The following UNC13C variants were observed in gnomAD, a reference collection of about 807,000 sequenced individuals.
UNC13C encodes protein unc-13 homolog C.
A neutral mutation model predicts 245.4 loss-of-function variants in UNC13C; 174 were observed. That is an observed-to-expected ratio of 0.71 (90% CI 0.63 to 0.80). The LOEUF is 0.80. Among genes scored for constraint, UNC13C ranks in the 30% least tolerant of loss-of-function variants. The pLI, the probability that UNC13C is intolerant of heterozygous loss-of-function variation, is 0.00. For missense variants in UNC13C, 2,829 were observed against 2,602.9 expected, an observed-to-expected ratio of 1.09 and a Z score of -1.89; for synonymous variants, 992 against 895.1, an observed-to-expected ratio of 1.11 and a Z score of -1.93.
At chr15:53,915,389 A>T in the UNC13C span, among the ~76,000 whole-genome samples, 1 of 152,264 alleles carries the variant, frequency 6.6e-6, no homozygotes, top group Non-Finnish European at 1.5e-5. Context: ...ACCGGGCTGT[A>T]GAGAAGACAG....
intron 17 of UNC13C, among the ~76,000 whole-genome samples, chr15:54,345,621 A>T (rs1028047806): frequency 1.3e-5 from 2 of 152,126 alleles, no homozygotes; most frequent in Admixed American, 1.3e-4. Context: ...GGATATTTGG[A>T]TATTTATTTG....
chr15:54,620,769 G>C (rs1462283444), intron 30 of UNC13C, among the ~76,000 whole-genome samples: 2 of 134,078 alleles, frequency 1.5e-5, no homozygotes, highest in East Asian at 4.4e-4. Flanking sequence ...TTGAGCAACA[G>C]AGCAAGACCC....
chr15:53,991,825 A>G (rs1268629945), intron 1 of UNC13C, among the ~76,000 whole-genome samples: 1 of 152,008 alleles, frequency 6.6e-6, no homozygotes, highest in Non-Finnish European at 1.5e-5. Flanking sequence ...CCTTGTTATC[A>G]GAGCCTAGTC....
the UNC13C span, among the ~76,000 whole-genome samples, chr15:53,891,613 A>G: frequency 1.1e-4 from 16 of 152,248 alleles, no homozygotes; most frequent in Middle Eastern, 3.4e-3. Flanking sequence ...CCATTATATA[A>G]TGTCCTTTTT....
chr15:54,281,064 C>T (rs957562377), intron 10 of UNC13C, among the ~76,000 whole-genome samples: 1 of 152,030 alleles, frequency 6.6e-6, no homozygotes, highest in African/African-American at 2.4e-5. Context: ...TCCCAAAGTG[C>T]TGGGATTACA....
At chr15:54,246,754 G>A (rs555917288) in intron 7 of UNC13C, among the ~76,000 whole-genome samples, 3 of 151,636 alleles carry the variant, frequency 2.0e-5, no homozygotes, top group Non-Finnish European at 4.4e-5. Flanking sequence ...CCTATCGGAG[G>A]GTGGGGGTGG....
At chr15:54,519,025 T>G (rs1293490141) in intron 24 of UNC13C, among the ~76,000 whole-genome samples, 2 of 152,144 alleles carry the variant, frequency 1.3e-5, no homozygotes, top group Middle Eastern at 3.2e-3. Flanking sequence ...TCAGAGGAAA[T>G]AGCTTCTAAG....
At chr15:54,189,730 G>A (rs781161145) in intron 4 of UNC13C, among the ~76,000 whole-genome samples, 1 of 152,140 alleles carries the variant, frequency 6.6e-6, no homozygotes, top group African/African-American at 2.4e-5. Flanking sequence ...TCATGAGACA[G>A]TGTTAGTTGT....
intron 18 of UNC13C, among the ~76,000 whole-genome samples, chr15:54,406,817 A>C (rs1314552199): frequency 1.3e-5 from 2 of 152,210 alleles, no homozygotes; most frequent in Non-Finnish European, 2.9e-5. Flanking sequence ...TCTGCCTTGA[A>C]TACAACAGAA....
chr15:54,577,448 C>G (rs1168340939), intron 30 of UNC13C, among the ~76,000 whole-genome samples: 2 of 152,132 alleles, frequency 1.3e-5, no homozygotes, highest in East Asian at 3.9e-4. Flanking sequence ...TACTTTCCCC[C>G]ACTCCGCAGG....
In UNC13C at chr15:54,622,379, T is replaced by C. The variant is rs1420717056; in HGVS notation, c.6159T>C (p.Thr2053=). Residue 2053 remains threonine (T), a synonymous_variant, in exon 31 of 33, where the codon ACT becomes ACC. Coordinates refer to ENST00000260323, the MANE Select transcript of UNC13C (RefSeq NM_001080534.3). ...VGQISVHVDI[T]ATPGTGDHKV... is the part of the protein sequence containing the mutation. ...AGATATCTGTTCATGTGGACATCAC[T>C]GCCACCCCAGGAACGGGAGATCATA... 2 of 1,613,236 alleles carry C rather than the reference T, an allele frequency of 1.2e-6. No homozygotes were observed. The highest frequency in any genetic ancestry group is 2.7e-5 in the African/African-American group (2 of 74,896).
intron 9 of UNC13C, among the ~76,000 whole-genome samples, chr15:54,265,112 G>T (rs2140891134): frequency 6.6e-6 from 1 of 152,012 alleles, no homozygotes; most frequent in Admixed American, 6.6e-5. Context: ...TAGCTAATAT[G>T]TATATGCATG....
At chr15:54,416,649 A>T (rs1410316695) in intron 19 of UNC13C, among the ~76,000 whole-genome samples, 4 of 152,092 alleles carry the variant, frequency 2.6e-5, no homozygotes. Context: ...TCCACTCAGC[A>T]AATAACTTTT....
At chr15:53,940,421 C>T in the UNC13C span, among the ~76,000 whole-genome samples, 1 of 152,070 alleles carries the variant, frequency 6.6e-6, no homozygotes. Flanking sequence ...TAAGGATGCC[C>T]TCTCCCACCA....
At chr15:54,591,020 G>T (rs1898756904) in intron 30 of UNC13C, among the ~76,000 whole-genome samples, 1 of 152,090 alleles carries the variant, frequency 6.6e-6, no homozygotes, top group Admixed American at 6.5e-5. Flanking sequence ...GGATTTTGTT[G>T]AATGCTTTTT....
intron 30 of UNC13C, among the ~76,000 whole-genome samples, chr15:54,569,705 G>A (rs953470011): frequency 1.3e-5 from 2 of 151,484 alleles, no homozygotes; most frequent in Non-Finnish European, 2.9e-5. Context: ...AAGAGGAGAG[G>A]ATTCTTAATT....
intron 22 of UNC13C, among the ~76,000 whole-genome samples, chr15:54,505,744 CTTT>C (rs3083161): frequency 7.7e-6 from 1 of 129,848 alleles, no homozygotes. Context: ...AAGCTATATT[CTTT>C]TTTTTTTTTT....
chr15:53,961,241 C>A, the UNC13C span, among the ~76,000 whole-genome samples: 1 of 152,258 alleles, frequency 6.6e-6, no homozygotes, highest in African/African-American at 2.4e-5. Context: ...CCCACTGGCA[C>A]AGCACCGGAC....
At chr15:54,520,572 A>C (rs932066049) in intron 24 of UNC13C, among the ~76,000 whole-genome samples, 1 of 152,134 alleles carries the variant, frequency 6.6e-6, no homozygotes, top group Non-Finnish European at 1.5e-5. Flanking sequence ...ACAGAGTAAA[A>C]AGAAAAGAAG....
Sources: allele counts gnomAD v4.1 joint callset (sites outside exome capture counted in the v4.1 genomes callset), GRCh38; gene constraint gnomAD v4.1.1; transcripts MANE v1.5; gene names NCBI Gene and HGNC (gene_info 2026-07-23, HGNC 2026-07-21).